Variants in NRXN1 observed in about 807,000 individuals in gnomAD.
NRXN1 encodes neurexin-1.
Under a neutral mutation model 150.9 loss-of-function variants are expected in NRXN1, and 39 were observed. The ratio of observed to expected loss-of-function variants is 0.26; its 90% confidence interval spans 0.20 to 0.34. The LOEUF (loss-of-function observed/expected upper bound fraction) is 0.34. Among genes scored for constraint, NRXN1 ranks in the 10% least tolerant of loss-of-function variants. The probability of loss-of-function intolerance (pLI) is 1.00; values close to 1 mark genes in which losing one functional copy is unlikely to be tolerated. For synonymous variants in NRXN1, 924 were observed against 757.0 expected (o/e 1.22, Z -3.62); for missense variants, 1,815 against 1,949.9 (o/e 0.93, Z 1.30).
chr2:50,852,142 T>C (rs986262599), intron 5 of NRXN1, among the ~76,000 whole-genome samples: 9 of 152,082 alleles, frequency 5.9e-5, no homozygotes, highest in African/African-American at 1.9e-4. Context: ...GCAAGGTGAA[T>C]AGAATGTTGG....
rs114499051 is a variant in NRXN1 at position 50,112,757 on chromosome 2, C to T, written c.3547-21263G>A. Among the ~76,000 whole-genome samples the T allele has an allele frequency of 7.0e-3, 1,063 of 151,844 alleles. 11 individuals carry two copies. Among genetic ancestry groups the T allele is most frequent in the African/African-American group, 0.025 (1,019 of 41,420 alleles). On this transcript the variant is annotated intron_variant, in intron 18 of 22. Transcript: ENST00000401669. ...AAATGCAGCATAAAATTCATACCTGCCTCAGAGGTCAAGGAAGAATTACAT... is the reference window on the plus strand; with the variant it reads ...AAATGCAGCATAAAATTCATACCTGTCTCAGAGGTCAAGGAAGAATTACAT...
chr2:50,850,576 C>G (rs1674373941), intron 5 of NRXN1, among the ~76,000 whole-genome samples: 1 of 152,114 alleles, frequency 6.6e-6, no homozygotes, highest in African/African-American at 2.4e-5. Context: ...AAATTGAAAC[C>G]TACTAGCCTT....
chr2:49,950,937 A>G (rs961963403), intron 21 of NRXN1, among the ~76,000 whole-genome samples: 5 of 151,978 alleles, frequency 3.3e-5, no homozygotes, highest in African/African-American at 1.2e-4. Context: ...GTGACCATAA[A>G]TCAGCTGTCT....
chr2:49,962,220 C>T (rs1458737283), intron 21 of NRXN1, among the ~76,000 whole-genome samples: 1 of 152,204 alleles, frequency 6.6e-6, no homozygotes, highest in Non-Finnish European at 1.5e-5. Flanking sequence ...CCTCACCCTT[C>T]GGGAACCATC....
chr2:50,597,506 C>G (rs1422063076), intron 8 of NRXN1, among the ~76,000 whole-genome samples: 3 of 152,152 alleles, frequency 2.0e-5, no homozygotes, highest in Admixed American at 6.5e-5. Flanking sequence ...TACCTTCATT[C>G]TCTAAAGTGG....
At chr2:50,157,888 G>A (rs900394098) in intron 18 of NRXN1, among the ~76,000 whole-genome samples, 2 of 151,756 alleles carry the variant, frequency 1.3e-5, no homozygotes, top group Non-Finnish European at 2.9e-5. Flanking sequence ...GTATTGAGGG[G>A]CCATTTCATG....
intron 5 of NRXN1, among the ~76,000 whole-genome samples, chr2:50,637,993 A>C (rs572649638): frequency 6.6e-6 from 1 of 152,274 alleles, no homozygotes; most frequent in Non-Finnish European, 1.5e-5. Flanking sequence ...CTGAATTGTG[A>C]CAAGCTTTAT....
At chr2:50,407,119 T>C (rs1305906631) in intron 17 of NRXN1, among the ~76,000 whole-genome samples, 1 of 152,178 alleles carries the variant, frequency 6.6e-6, no homozygotes, top group East Asian at 1.9e-4. Flanking sequence ...TGTGTATTTT[T>C]TAAATTATTA....
At chr2:50,809,049 A>C (rs574148595) in intron 5 of NRXN1, among the ~76,000 whole-genome samples, 30 of 152,236 alleles carry the variant, frequency 2.0e-4, no homozygotes, top group Non-Finnish European at 3.7e-4. Context: ...TTCCGTAGAA[A>C]ATATTCATGG....
At chr2:50,674,383 A>G (rs546945747) in intron 5 of NRXN1, among the ~76,000 whole-genome samples, 4 of 152,236 alleles carry the variant, frequency 2.6e-5, no homozygotes, top group East Asian at 3.9e-4. Flanking sequence ...AAGCACAACC[A>G]ATGACTCAGG....
chr2:50,343,009 G>T (rs2152994273), intron 17 of NRXN1, among the ~76,000 whole-genome samples: 1 of 152,298 alleles, frequency 6.6e-6, no homozygotes, highest in East Asian at 1.9e-4. Flanking sequence ...ATAAATTCAA[G>T]ATATAATTAT....
At chr2:50,445,410 G>T (rs901016553) in intron 17 of NRXN1, among the ~76,000 whole-genome samples, 1 of 152,064 alleles carries the variant, frequency 6.6e-6, no homozygotes, top group African/African-American at 2.4e-5. Context: ...GATCACAAAG[G>T]GAATGAATCA....
chr2:50,704,351 T>C (rs1414080390), intron 5 of NRXN1, among the ~76,000 whole-genome samples: 1 of 151,890 alleles, frequency 6.6e-6, no homozygotes, highest in Non-Finnish European at 1.5e-5. Flanking sequence ...TTACAATTCT[T>C]AAATCAAAGG....
intron 12 of NRXN1, among the ~76,000 whole-genome samples, chr2:50,525,237 C>A (rs914690184): frequency 7.2e-5 from 11 of 152,314 alleles, no homozygotes; most frequent in Non-Finnish European, 1.2e-4. Flanking sequence ...AAGGTTTCAA[C>A]AATGATTTGT....
intron 5 of NRXN1, among the ~76,000 whole-genome samples, chr2:50,793,042 T>C (rs991688927): frequency 4.6e-5 from 7 of 152,070 alleles, no homozygotes; most frequent in African/African-American, 1.4e-4. Context: ...GGAAATTAAA[T>C]ATTGGCATTA....
chr2:50,266,333 T>C (rs2068861306), intron 17 of NRXN1, among the ~76,000 whole-genome samples: 1 of 149,772 alleles, frequency 6.7e-6, no homozygotes, highest in South Asian at 2.1e-4. Context: ...ACTCCAGTTT[T>C]TCCAAGAACC....
intron 9 of NRXN1, among the ~76,000 whole-genome samples, chr2:50,549,927 T>A (rs1329683202): frequency 1.3e-5 from 2 of 152,136 alleles, no homozygotes; most frequent in East Asian, 1.9e-4. Context: ...TATACACATA[T>A]ACATGTAGAG....
chr2:50,766,107 G>T (rs1489512246), intron 5 of NRXN1, among the ~76,000 whole-genome samples: 1 of 151,998 alleles, frequency 6.6e-6, no homozygotes, highest in Non-Finnish European at 1.5e-5. Context: ...ATTCTTAAGA[G>T]TTAAAGAAGA....
chr2:49,957,338 G>A (rs997881027), intron 21 of NRXN1, among the ~76,000 whole-genome samples: 3 of 152,074 alleles, frequency 2.0e-5, no homozygotes, highest in Non-Finnish European at 4.4e-5. Context: ...CTGGTATATG[G>A]AAGATATTAT....
Sources: gnomAD v4.1 joint callset for allele counts (sites outside exome capture counted in the v4.1 genomes callset) on GRCh38, gnomAD v4.1.1 for gene constraint, MANE v1.5 for transcripts, NCBI Gene and HGNC (gene_info 2026-07-23, HGNC 2026-07-21) for gene names.